Variants in CDKL5 observed in about 807,000 individuals in gnomAD.
The protein encoded by CDKL5 is cyclin-dependent kinase-like 5.
Under a neutral mutation model 61.7 loss-of-function variants are expected in CDKL5, and 8 were observed. The observed-to-expected ratio is 0.13, with a 90% CI of 0.08 to 0.23. The LOEUF (loss-of-function observed/expected upper bound fraction) is 0.23, where lower values mean the gene tolerates loss of function less well. Ranked by LOEUF, CDKL5 falls within the 10% of genes least tolerant of loss-of-function variation. CDKL5 has a pLI of 1.00. For synonymous variants in CDKL5, 275 were observed against 272.3 expected (o/e 1.01, Z -0.10); for missense variants, 440 against 734.5 (o/e 0.60, Z 4.63).
intron 1 of CDKL5, among the ~76,000 whole-genome samples, chrX:18,464,744 G>T (rs937180389): frequency 1.8e-5 from 2 of 111,513 alleles, no homozygotes; most frequent in Admixed American, 9.6e-5. Context: ...GGGGTGAAAG[G>T]TGAGGTCTAC....
At chrX:18,459,975 C>T (rs1262023631) in intron 1 of CDKL5, among the ~76,000 whole-genome samples, 2 of 109,379 alleles carry the variant, frequency 1.8e-5, no homozygotes, top group African/African-American at 6.7e-5. Flanking sequence ...TGGGTTCAAG[C>T]GATTCTCCCA....
Position 18,456,800 on chromosome X carries a change from C to T in CDKL5, c.-163+31105C>T, listed in dbSNP as rs186488247. On this transcript the variant is annotated intron_variant, in intron 1 of 17. Coordinates refer to ENST00000623535, the MANE Select transcript of CDKL5 (RefSeq NM_001323289.2). Reference sequence around the variant, plus strand: ...CCTACTTCCATCTCTAGCCTTCTTCCTCTGCAATAATCTTTATTTTCCTTA... The same window carrying T: ...CCTACTTCCATCTCTAGCCTTCTTCTTCTGCAATAATCTTTATTTTCCTTA... Among the ~76,000 whole-genome samples the T allele has an allele frequency of 2.1e-3, 235 of 111,695 alleles. 2 individuals carry two copies. The highest frequency in any genetic ancestry group is 4.7e-3 in the Middle Eastern group (1 of 215).
intron 1 of CDKL5, among the ~76,000 whole-genome samples, chrX:18,449,038 G>C (rs766618927): frequency 5.4e-5 from 6 of 110,918 alleles, no homozygotes; most frequent in Admixed American, 3.8e-4. Context: ...TGTATTTTTA[G>C]TAGAGGCAGG....
chrX:18,587,684 C>T (rs976469666), intron 8 of CDKL5: 14 of 357,274 alleles, frequency 3.9e-5, no homozygotes, highest in African/African-American at 3.4e-4. Context: ...TTTATTAAGC[C>T]GTTCACATTT....
intron 3 of CDKL5, among the ~76,000 whole-genome samples, chrX:18,552,902 A>ACGGAGTT (rs977789849): frequency 1.3e-4 from 15 of 111,550 alleles, no homozygotes; most frequent in Admixed American, 1.1e-3. Flanking sequence ...AGCAGCTGCG[A>ACGGAGTT]CGGAGTTGTC....
At chrX:18,451,317 G>A (rs1932010876) in intron 1 of CDKL5, among the ~76,000 whole-genome samples, 1 of 110,239 alleles carries the variant, frequency 9.1e-6, no homozygotes, top group African/African-American at 3.3e-5. Flanking sequence ...TCAGGCTCCC[G>A]AGTAGCTGGG....
intron 11 of CDKL5, among the ~76,000 whole-genome samples, chrX:18,601,948 A>G (rs910114190): frequency 2.7e-5 from 3 of 111,490 alleles, no homozygotes; most frequent in African/African-American, 9.8e-5. Context: ...ATGGGGATGA[A>G]ATAGGGTTCT....
chrX:18,578,674 G>A (rs1281681312), intron 5 of CDKL5, among the ~76,000 whole-genome samples: 2 of 111,952 alleles, frequency 1.8e-5, no homozygotes, highest in African/African-American at 6.5e-5. Flanking sequence ...CACATAAAAA[G>A]CAGCTCATTC....
At chrX:18,460,889 A>G (rs1294188869) in intron 1 of CDKL5, among the ~76,000 whole-genome samples, 1 of 111,815 alleles carries the variant, frequency 8.9e-6, no homozygotes, top group Admixed American at 9.6e-5. Context: ...TCACAATGAA[A>G]TTTTCCATGT....
chrX:18,528,585 C>CCTCTCTCT (rs752729307), intron 3 of CDKL5, among the ~76,000 whole-genome samples: 22 of 103,822 alleles, frequency 2.1e-4, no homozygotes, highest in African/African-American at 7.0e-4. Flanking sequence ...TCCCTCCCTG[C>CCTCTCTCT]CTCTCTCTCT....
intron 3 of CDKL5, among the ~76,000 whole-genome samples, chrX:18,513,891 C>T (rs972265340): frequency 2.7e-5 from 3 of 111,366 alleles, no homozygotes; most frequent in Admixed American, 9.6e-5. Context: ...GTAATCTTCC[C>T]GATTGTACTT....
intron 3 of CDKL5, among the ~76,000 whole-genome samples, chrX:18,555,984 CT>C (rs1308984783): frequency 8.9e-6 from 1 of 111,848 alleles, no homozygotes; most frequent in Non-Finnish European, 1.9e-5. Context: ...GTCAAGATCT[CT>C]AAGGAATTTC....
intron 21 of CDKL5, among the ~76,000 whole-genome samples, chrX:18,651,337 C>T (rs1457141809): frequency 3.7e-5 from 4 of 107,787 alleles, no homozygotes; most frequent in Non-Finnish European, 5.7e-5. Flanking sequence ...AGAAACTTGT[C>T]GACAGCATCC....
At chrX:18,647,163 T>C in intron 20 of CDKL5, 7 of 1,207,879 alleles carry the variant, frequency 5.8e-6, no homozygotes, top group Non-Finnish European at 7.8e-6. Context: ...TAAAAGCACA[T>C]GAAAAAAAAT....
At chrX:18,428,723 G>GTT (rs150749996) in intron 1 of CDKL5, among the ~76,000 whole-genome samples, 11 of 91,373 alleles carry the variant, frequency 1.2e-4, no homozygotes, top group Non-Finnish European at 1.1e-4. Context: ...AGATTTTAAA[G>GTT]TTTTTTTTTT....
At chrX:18,438,914 C>A (rs1457087611) in intron 1 of CDKL5, among the ~76,000 whole-genome samples, 2 of 110,372 alleles carry the variant, frequency 1.8e-5, no homozygotes. Flanking sequence ...TAGCTATATC[C>A]CAGGATCTTT....
At chrX:18,612,505 A>G (rs1465992866) in intron 14 of CDKL5, among the ~76,000 whole-genome samples, 1 of 110,091 alleles carries the variant, frequency 9.1e-6, no homozygotes, top group East Asian at 2.8e-4. Flanking sequence ...TTGTCTCTAC[A>G]AAAAATTAGC....
intron 1 of CDKL5, among the ~76,000 whole-genome samples, chrX:18,429,863 C>T (rs1931445579): frequency 8.9e-6 from 1 of 111,951 alleles, no homozygotes; most frequent in African/African-American, 3.2e-5. Context: ...GTCTTGAACT[C>T]CTGGCGTCAA....
At chrX:18,467,621 T>C (rs1920973746) in intron 1 of CDKL5, among the ~76,000 whole-genome samples, 1 of 111,909 alleles carries the variant, frequency 8.9e-6, no homozygotes, top group Non-Finnish European at 1.9e-5. Flanking sequence ...AGCATTTTCA[T>C]GCATGCTCCT....
Sources: gnomAD v4.1 joint callset for allele counts (sites outside exome capture counted in the v4.1 genomes callset) on GRCh38, gnomAD v4.1.1 for gene constraint, MANE v1.5 for transcripts, NCBI Gene and HGNC (gene_info 2026-07-23, HGNC 2026-07-21) for gene names.